The following GPHN variants were observed in gnomAD, a reference collection of about 807,000 sequenced individuals.
The protein encoded by GPHN is gephyrin.
In GPHN, 17 loss-of-function variants were observed where a neutral mutation model predicts 95.5. The observed-to-expected ratio is 0.18, with a 90% CI of 0.12 to 0.27. The LOEUF (loss-of-function observed/expected upper bound fraction) is 0.27. GPHN is among the 10% of genes least tolerant of loss of function. GPHN has a pLI of 1.00. For missense variants in GPHN, 660 were observed against 978.1 expected (o/e 0.67, Z 4.34); for synonymous variants, 320 against 322.5 (o/e 0.99, Z 0.08).
intron 9 of GPHN, among the ~76,000 whole-genome samples, chr14:66,981,500 T>C (rs1436238227): frequency 6.6e-6 from 1 of 152,168 alleles, no homozygotes; most frequent in East Asian, 1.9e-4. Context: ...AAATCATAGC[T>C]ACCAGAAACG....
At chr14:67,098,517 A>G (rs775879224) in intron 12 of GPHN, among the ~76,000 whole-genome samples, 3 of 152,098 alleles carry the variant, frequency 2.0e-5, no homozygotes, top group Non-Finnish European at 2.9e-5. Context: ...GAAGTAAAAA[A>G]AAAGAAAATG....
the GPHN span, chr14:67,221,593 C>A: frequency 2.6e-6 from 1 of 377,520 alleles, no homozygotes; most frequent in Non-Finnish European, 3.6e-6. Flanking sequence ...CCACATGTTG[C>A]AGAAATTTAG....
At chr14:66,912,833 G>GT (rs1235360066) in intron 5 of GPHN, among the ~76,000 whole-genome samples, 1 of 152,092 alleles carries the variant, frequency 6.6e-6, no homozygotes, top group African/African-American at 2.4e-5. Context: ...CAAAGATTAT[G>GT]TTAACCCTTT....
intron 13 of GPHN, 108 bp from the exon 14 acceptor site, chr14:67,110,032 C>T: frequency 1.0e-6 from 1 of 990,608 alleles, no homozygotes; most frequent in Non-Finnish European, 1.6e-6. Context: ...GACTGTAAGA[C>T]TTTCTTTTAT....
Position 66,666,090 on chromosome 14 carries a change from G to T in GPHN, c.65-15017G>T, listed in dbSNP as rs184786259. ...CACAGGAAGGGGGACATCACACACC[G>T]GGGCCTGTCGTGGGGTAGGGGGAGG... On this transcript the variant is annotated intron_variant, in intron 1 of 22. Coordinates refer to ENST00000478722, the MANE Select transcript of GPHN (RefSeq NM_020806.5). 2.7e-3 allele frequency among the ~76,000 whole-genome samples: 407 copies of T among 148,910 alleles called. 3 individuals are homozygous for T. The highest frequency in any genetic ancestry group is 9.7e-3 in the African/African-American group (391 of 40,394).
chr14:67,670,245 C>T, the GPHN span, among the ~76,000 whole-genome samples: 147 of 152,304 alleles, frequency 9.7e-4, no homozygotes, highest in African/African-American at 3.4e-3. Flanking sequence ...AACTGCTTTA[C>T]GTCCTTTACT....
intron 1 of GPHN, among the ~76,000 whole-genome samples, chr14:66,599,298 G>T (rs549597565): frequency 1.3e-5 from 2 of 150,218 alleles, no homozygotes; most frequent in Non-Finnish European, 3.0e-5. Context: ...GATTTTGAGG[G>T]ATTTTATTTA....
At chr14:67,575,522 A>T in the GPHN span, 1 of 1,154,266 alleles carries the variant, frequency 8.7e-7, no homozygotes, top group East Asian at 2.5e-5. Flanking sequence ...CCCCCGAAGC[A>T]CATGACTGCC....
At chr14:67,100,129 G>C (rs1681921150) in intron 12 of GPHN, among the ~76,000 whole-genome samples, 1 of 151,850 alleles carries the variant, frequency 6.6e-6, no homozygotes, top group South Asian at 2.1e-4. Flanking sequence ...ATGTGATGCA[G>C]TACTGCCTAT....
At chr14:67,464,712 T>G in the GPHN span, among the ~76,000 whole-genome samples, 1 of 152,232 alleles carries the variant, frequency 6.6e-6, no homozygotes, top group Non-Finnish European at 1.5e-5. Flanking sequence ...GGCTACCCAG[T>G]CTAGAGAAGC....
intron 4 of GPHN, among the ~76,000 whole-genome samples, chr14:66,844,479 G>C (rs993817593): frequency 2.6e-5 from 4 of 152,086 alleles, no homozygotes; most frequent in Admixed American, 1.3e-4. Context: ...TGTGTATATA[G>C]AGATTTGAAG....
intron 1 of GPHN, among the ~76,000 whole-genome samples, chr14:66,534,837 T>C (rs1256212854): frequency 1.3e-5 from 2 of 152,162 alleles, no homozygotes; most frequent in African/African-American, 4.8e-5. Context: ...AAAGTTATTC[T>C]GTCTTTGTCT....
intron 4 of GPHN, among the ~76,000 whole-genome samples, chr14:66,837,309 T>A (rs1377365153): frequency 6.7e-6 from 1 of 150,284 alleles, no homozygotes; most frequent in Non-Finnish European, 1.5e-5. Flanking sequence ...ATGGATGAAA[T>A]TGGGAACCAT....
chr14:66,964,202 T>G (rs1358397167), intron 8 of GPHN, among the ~76,000 whole-genome samples: 1 of 151,764 alleles, frequency 6.6e-6, no homozygotes, highest in Non-Finnish European at 1.5e-5. Context: ...CATTAGTCTT[T>G]ACTATGTTGA....
intron 3 of GPHN, among the ~76,000 whole-genome samples, chr14:66,779,994 T>A (rs932240362): frequency 6.6e-6 from 1 of 151,902 alleles, no homozygotes; most frequent in African/African-American, 2.4e-5. Context: ...GCAGTGACAA[T>A]GAGGCTAGAG....
At chr14:66,769,446 A>G (rs559131548) in intron 2 of GPHN, among the ~76,000 whole-genome samples, 1 of 152,118 alleles carries the variant, frequency 6.6e-6, no homozygotes, top group South Asian at 2.1e-4. Flanking sequence ...AGTACCCATT[A>G]ATTATTTTTC....
the GPHN span, among the ~76,000 whole-genome samples, chr14:67,608,331 A>G: frequency 6.6e-6 from 1 of 152,196 alleles, no homozygotes; most frequent in Non-Finnish European, 1.5e-5. Flanking sequence ...GATAATGGCT[A>G]TTTACATATA....
intron 8 of GPHN, among the ~76,000 whole-genome samples, chr14:66,952,633 A>G (rs770166612): frequency 1.6e-4 from 24 of 152,200 alleles, no homozygotes; most frequent in Non-Finnish European, 3.1e-4. Flanking sequence ...ATCATTTTAC[A>G]TACCCAACAG....
At chr14:67,276,865 A>T in the GPHN span, among the ~76,000 whole-genome samples, 3 of 152,196 alleles carry the variant, frequency 2.0e-5, no homozygotes, top group Non-Finnish European at 4.4e-5. Context: ...ATTTTCCCTC[A>T]TAGTGTAGTG....
Sources: gnomAD v4.1 joint callset for allele counts (sites outside exome capture counted in the v4.1 genomes callset) on GRCh38, gnomAD v4.1.1 for gene constraint, MANE v1.5 for transcripts, NCBI Gene and HGNC (gene_info 2026-07-23, HGNC 2026-07-21) for gene names.